GRM1: variants seen among roughly 807,000 people sequenced by gnomAD.
GRM1 encodes glutamate metabotropic receptor 1.
In GRM1, 33 loss-of-function variants were observed where a neutral mutation model predicts 90.9. That is an observed-to-expected ratio of 0.36 (90% CI 0.28 to 0.49). The LOEUF (loss-of-function observed/expected upper bound fraction) is 0.49. GRM1 is among the 20% of genes least tolerant of loss of function. The pLI is 0.99. For synonymous variants in GRM1, 700 were observed against 613.2 expected, an observed-to-expected ratio of 1.14 and a Z score of -2.09; for missense variants, 1,190 against 1,534.3, an observed-to-expected ratio of 0.78 and a Z score of 3.75.
chr6:146,407,663 A>G (rs1163061744), intron 7 of GRM1, among the ~76,000 whole-genome samples: 1 of 152,224 alleles, frequency 6.6e-6, no homozygotes, highest in Non-Finnish European at 1.5e-5. Context: ...TCATGCAAAT[A>G]AAGAATCTGA....
chr6:146,044,101 C>G (rs574978633), intron 1 of GRM1, among the ~76,000 whole-genome samples: 2 of 151,896 alleles, frequency 1.3e-5, no homozygotes, highest in East Asian at 1.9e-4. Flanking sequence ...ATTCTGGGAC[C>G]TGCCATGAGG....
At chr6:146,197,337 A>G (rs984762053) in intron 2 of GRM1, among the ~76,000 whole-genome samples, 4 of 152,256 alleles carry the variant, frequency 2.6e-5, no homozygotes, top group Non-Finnish European at 5.9e-5. Flanking sequence ...CTTTTACTGC[A>G]TATACTTCTC....
intron 3 of GRM1, among the ~76,000 whole-genome samples, chr6:146,320,620 C>T (rs959126008): frequency 6.6e-5 from 10 of 151,356 alleles, no homozygotes; most frequent in African/African-American, 2.4e-4. Flanking sequence ...GGTTGGTAGG[C>T]TATTAATTAT....
intron 4 of GRM1, among the ~76,000 whole-genome samples, chr6:146,352,896 A>G (rs577674328): frequency 7.9e-5 from 12 of 152,254 alleles, no homozygotes; most frequent in Non-Finnish European, 1.5e-4. Context: ...TCTGGTTATG[A>G]AATATTTTGA....
At chr6:146,348,447 G>C (rs972268532) in intron 3 of GRM1, among the ~76,000 whole-genome samples, 1 of 152,228 alleles carries the variant, frequency 6.6e-6, no homozygotes, top group African/African-American at 2.4e-5. Flanking sequence ...CAGCAGGGCT[G>C]AGACTGAGGT....
chr6:146,377,904 G>A (rs1338612665), intron 5 of GRM1, among the ~76,000 whole-genome samples: 1 of 152,192 alleles, frequency 6.6e-6, no homozygotes, highest in Admixed American at 6.5e-5. Context: ...TGTTGGGTTT[G>A]TGGTTGCACG....
At chr6:146,073,160 A>T (rs1312769994) in intron 1 of GRM1, among the ~76,000 whole-genome samples, 2 of 152,074 alleles carry the variant, frequency 1.3e-5, no homozygotes, top group East Asian at 3.9e-4. Context: ...GCTTATTGGG[A>T]CGGGATATGT....
At chr6:146,288,022 G>A (rs764137315) in intron 2 of GRM1, among the ~76,000 whole-genome samples, 17 of 152,212 alleles carry the variant, frequency 1.1e-4, no homozygotes, top group Non-Finnish European at 2.4e-4. Flanking sequence ...TGGCTGCCTG[G>A]AAGTGGGTTG....
At chr6:146,217,739 T>C (rs1263191215) in intron 2 of GRM1, among the ~76,000 whole-genome samples, 2 of 152,150 alleles carry the variant, frequency 1.3e-5, no homozygotes, top group Non-Finnish European at 2.9e-5. Context: ...AAGTGATAGA[T>C]AACATTCTTA....
At chr6:146,331,159 G>T (rs1171516484) in intron 3 of GRM1, among the ~76,000 whole-genome samples, 4 of 152,122 alleles carry the variant, frequency 2.6e-5, no homozygotes, top group Admixed American at 6.5e-5. Flanking sequence ...AGGGGCTGCT[G>T]CCCTGGCAGC....
chr6:146,224,335 C>A (rs1780167355), intron 2 of GRM1, among the ~76,000 whole-genome samples: 1 of 151,990 alleles, frequency 6.6e-6, no homozygotes, highest in Non-Finnish European at 1.5e-5. Flanking sequence ...GAAAATATAT[C>A]TTAGTGACAA....
At chr6:146,149,673 T>A (rs1777243470) in intron 1 of GRM1, among the ~76,000 whole-genome samples, 1 of 152,122 alleles carries the variant, frequency 6.6e-6, no homozygotes, top group African/African-American at 2.4e-5. Context: ...ATCCTCTCAA[T>A]CATTTAGCTG....
intron 2 of GRM1, among the ~76,000 whole-genome samples, chr6:146,290,660 C>G (rs1194425655): frequency 6.6e-6 from 1 of 152,054 alleles, no homozygotes; most frequent in Non-Finnish European, 1.5e-5. Flanking sequence ...ATGGGAATGT[C>G]TATATACTGG....
intron 5 of GRM1, among the ~76,000 whole-genome samples, chr6:146,367,259 A>G (rs950022214): frequency 2.0e-5 from 3 of 151,976 alleles, no homozygotes; most frequent in Admixed American, 2.0e-4. Context: ...CCACTGGCCT[A>G]TGTGTCTGTT....
intron 1 of GRM1, among the ~76,000 whole-genome samples, chr6:146,130,751 T>G (rs1256757256): frequency 6.6e-6 from 1 of 152,128 alleles, no homozygotes; most frequent in Non-Finnish European, 1.5e-5. Flanking sequence ...GCAAAAGGTT[T>G]TATCTGAGTT....
At chr6:146,188,638 A>G (rs1160646909) in intron 2 of GRM1, among the ~76,000 whole-genome samples, 1 of 152,214 alleles carries the variant, frequency 6.6e-6, no homozygotes, top group Non-Finnish European at 1.5e-5. Context: ...TTCATAAGCC[A>G]AAGAATACAT....
chr6:146,061,423 A>G (rs1464898965), intron 1 of GRM1, among the ~76,000 whole-genome samples: 1 of 152,074 alleles, frequency 6.6e-6, no homozygotes, highest in East Asian at 1.9e-4. Context: ...TGCATTTTGA[A>G]TGCCTGTACT....
intron 2 of GRM1, among the ~76,000 whole-genome samples, chr6:146,204,825 G>A (rs191378686): frequency 4.6e-4 from 70 of 152,216 alleles, no homozygotes; most frequent in African/African-American, 1.5e-3. Context: ...CTGAAACAGC[G>A]CTAAGGGAAC....
chr6:146,164,159 G>A (rs1481128638), intron 2 of GRM1, among the ~76,000 whole-genome samples: 1 of 152,066 alleles, frequency 6.6e-6, no homozygotes, highest in Non-Finnish European at 1.5e-5. Flanking sequence ...CATTTATTGA[G>A]GGTTTGGTAG....
Sources: gnomAD v4.1 joint callset for allele counts (sites outside exome capture counted in the v4.1 genomes callset) on GRCh38, gnomAD v4.1.1 for gene constraint, MANE v1.5 for transcripts, NCBI Gene and HGNC (gene_info 2026-07-23, HGNC 2026-07-21) for gene names.